Variants in UQCC1 observed in about 807,000 individuals in gnomAD.
UQCC1 encodes the protein ubiquinol-cytochrome c reductase complex assembly factor 1, also known as bFGF-repressed Zic-binding protein.
Under a neutral mutation model 48.0 loss-of-function variants are expected in UQCC1, and 38 were observed. The ratio of observed to expected loss-of-function variants is 0.79; its 90% CI spans 0.61 to 1.04. The LOEUF (loss-of-function observed/expected upper bound fraction) is 1.04. Ranked by LOEUF, UQCC1 falls within the 50% of genes least tolerant of loss-of-function variation. UQCC1 has a pLI of 0.00. For missense variants in UQCC1, 368 were observed against 381.8 expected (o/e 0.96, Z 0.30); for synonymous variants, 111 against 129.2 (o/e 0.86, Z 0.95).
chr20:35,345,509 T>C (rs2061422187), intron 7 of UQCC1: 1 of 152,046 alleles, frequency 6.6e-6, no homozygotes, highest in Admixed American at 6.6e-5. Flanking sequence ...ATACTTTTTT[T>C]CTCTATATTA....
chr20:35,385,502 G>GT (rs1265516096), intron 2 of UQCC1, among the ~76,000 whole-genome samples: 5 of 152,080 alleles, frequency 3.3e-5, no homozygotes, highest in African/African-American at 9.7e-5. Context: ...TGTTGTTGTT[G>GT]TTTTGTTTTT....
At chr20:35,331,142 CAG>C (rs1266646176) in intron 7 of UQCC1, among the ~76,000 whole-genome samples, 2 of 152,104 alleles carry the variant, frequency 1.3e-5, no homozygotes, top group African/African-American at 4.8e-5. Context: ...GAGCAGGAGA[CAG>C]AAGCCTGCTC....
At chr20:35,383,449 T>C (rs367735369) in intron 3 of UQCC1, among the ~76,000 whole-genome samples, 6 of 152,052 alleles carry the variant, frequency 3.9e-5, no homozygotes, top group Non-Finnish European at 7.4e-5. Context: ...ACCTATAATC[T>C]CAGTAATCCC....
chr20:35,306,134 C>T (rs1157567187), intron 9 of UQCC1, among the ~76,000 whole-genome samples: 3 of 152,116 alleles, frequency 2.0e-5, no homozygotes, highest in Admixed American at 1.3e-4. Context: ...GCTTTGATGT[C>T]GGGGAGCCCT....
At chr20:35,363,950 T>G (rs2061636557) in intron 6 of UQCC1, among the ~76,000 whole-genome samples, 1 of 152,144 alleles carries the variant, frequency 6.6e-6, no homozygotes, top group Non-Finnish European at 1.5e-5. Flanking sequence ...CCTAACAGCC[T>G]GCCCACCCCG....
At chr20:35,382,203 C>CAGGA (rs1568696407) in intron 3 of UQCC1, among the ~76,000 whole-genome samples, 178 bp from the exon 4 acceptor site, 3 of 152,058 alleles carry the variant, frequency 2.0e-5, no homozygotes, top group African/African-American at 7.2e-5. Context: ...AACTTCTGGG[C>CAGGA]TCAAGTGATC....
At chr20:35,304,106 G>C in intron 9 of UQCC1, 37 bp from the exon 10 acceptor site, 1 of 1,613,364 alleles carries the variant, frequency 6.2e-7, no homozygotes, top group South Asian at 1.1e-5. Flanking sequence ...AAGCGACAGA[G>C]GCAGGGCAGA....
rs1227064253 is a variant in UQCC1, at chr20:35,399,925, CTTTTTTTT to C, written c.25-5737_25-5730del. 1.7e-5 allele frequency among the ~76,000 whole-genome samples: 2 copies of C among 119,584 alleles called. 1 individual carries two copies. Among genetic ancestry groups the C allele is most frequent in the South Asian group, 6.7e-4 (2 of 2,990 alleles). The allele number at this position is 119,584 out of a possible 152,430, so 78.5% of individuals were successfully genotyped here. ...CTGGTTCTACTGGCTCTACTCAGTC[CTTTTTTTT>C]TTTTTTTTTTGAGATGGAGTCTTAC... is the stretch of plus-strand genomic sequence containing the variant. On this transcript the variant is annotated intron_variant, in intron 1 of 9. Coordinates refer to ENST00000374385, the MANE Select transcript of UQCC1 (RefSeq NM_018244.5).
At chr20:35,382,512 CTTTTTTT>C (rs1162371421) in intron 3 of UQCC1, among the ~76,000 whole-genome samples, 19 of 108,286 alleles carry the variant, frequency 1.8e-4, no homozygotes, top group Non-Finnish European at 3.0e-4. Context: ...TTTCTTTTTT[CTTTTTTT>C]TTTTTTTTTT....
In UQCC1 at chr20:35,303,458, G is replaced by A. The variant is rs1246395872; in HGVS notation, c.*477C>T. ...TGGAATAAAGAAGGGCCATGGCAGA[G>A]AGAAGTCTCTGTTTCTTTTAATGGC... On this transcript the variant is annotated 3_prime_UTR_variant, in exon 10 of 10. Coordinates refer to ENST00000374385, the MANE Select transcript of UQCC1 (RefSeq NM_018244.5). The A allele has an allele frequency of 1.2e-5, 2 of 163,638 alleles. No individual in the cohort carries two copies. Among genetic ancestry groups the A allele is most frequent in the South Asian group, 1.6e-4 (1 of 6,226 alleles). 10.1% of individuals were successfully genotyped at this position (163,638 alleles called of 1,614,324 possible).
chr20:35,331,360 A>G (rs1311407523), intron 7 of UQCC1, among the ~76,000 whole-genome samples: 1 of 151,806 alleles, frequency 6.6e-6, no homozygotes, highest in Non-Finnish European at 1.5e-5. Context: ...ATATATCTTT[A>G]TAAGTCATGG....
At chr20:35,401,480 A>G (rs1364427912) in intron 1 of UQCC1, among the ~76,000 whole-genome samples, 1 of 152,166 alleles carries the variant, frequency 6.6e-6, no homozygotes, top group African/African-American at 2.4e-5. Context: ...GACCCATCTC[A>G]GCCAGGAACA....
intron 7 of UQCC1, among the ~76,000 whole-genome samples, chr20:35,331,001 G>A (rs866863210): frequency 1.3e-5 from 2 of 152,124 alleles, no homozygotes; most frequent in Admixed American, 6.5e-5. Context: ...CACAGGAGAC[G>A]ATAAACACCT....
intron 4 of UQCC1, 65 bp from the exon 5 acceptor site, chr20:35,374,321 A>G (rs925165100): frequency 2.8e-5 from 34 of 1,231,206 alleles, no homozygotes; most frequent in Non-Finnish European, 3.9e-5. Context: ...TCCATTAGAC[A>G]TGGGTCACAA....
chr20:35,325,804 A>G (rs1341796035), intron 7 of UQCC1, among the ~76,000 whole-genome samples: 1 of 152,126 alleles, frequency 6.6e-6, no homozygotes, highest in East Asian at 1.9e-4. Context: ...GTATGTGTAA[A>G]GGCACAGGGA....
intron 7 of UQCC1, among the ~76,000 whole-genome samples, chr20:35,319,811 C>T (rs1176550880): frequency 6.6e-6 from 1 of 152,126 alleles, no homozygotes; most frequent in Non-Finnish European, 1.5e-5. Context: ...AAAGAGATGC[C>T]AGTTCATTTG....
chr20:35,403,985 C>G (rs1462541312), intron 1 of UQCC1, among the ~76,000 whole-genome samples: 1 of 152,000 alleles, frequency 6.6e-6, no homozygotes, highest in Non-Finnish European at 1.5e-5. Flanking sequence ...TGCCTGTAAT[C>G]CAAGCACTTT....
chr20:35,402,430 T>C (rs1013756044), intron 1 of UQCC1, among the ~76,000 whole-genome samples: 2 of 151,526 alleles, frequency 1.3e-5, no homozygotes, highest in Non-Finnish European at 2.9e-5. Context: ...TACAAAAAAT[T>C]AGCCGGGTGT....
intron 6 of UQCC1, among the ~76,000 whole-genome samples, chr20:35,355,106 GA>G (rs2061531990): frequency 6.6e-6 from 1 of 152,102 alleles, no homozygotes; most frequent in Admixed American, 6.5e-5. Flanking sequence ...AGGACCCAGA[GA>G]AAACCCACCT....
Sources: allele counts gnomAD v4.1 joint callset (sites outside exome capture counted in the v4.1 genomes callset), GRCh38; gene constraint gnomAD v4.1.1; transcripts MANE v1.5; gene names NCBI Gene and HGNC (gene_info 2026-07-23, HGNC 2026-07-21).